Variants in CNTNAP2 observed in about 807,000 individuals in gnomAD.
The protein encoded by CNTNAP2 is contactin-associated protein-like 2.
In CNTNAP2, 98 loss-of-function variants were observed where a neutral mutation model predicts 155.2. The observed-to-expected ratio is 0.63, with a 90% CI of 0.54 to 0.75. CNTNAP2 has a LOEUF of 0.75. Ranked by LOEUF, CNTNAP2 falls within the 30% of genes least tolerant of loss-of-function variation. CNTNAP2 has a pLI of 0.00. For missense variants in CNTNAP2, 1,727 were observed against 1,688.1 expected (o/e 1.02, Z -0.40); for synonymous variants, 651 against 631.2 (o/e 1.03, Z -0.47).
chr7:146,760,299 T>C (rs1489231073), intron 1 of CNTNAP2, among the ~76,000 whole-genome samples: 2 of 151,738 alleles, frequency 1.3e-5, no homozygotes, highest in African/African-American at 4.8e-5. Flanking sequence ...ACTTCTCACA[T>C]CTGGTTGAAA....
chr7:147,307,722 T>C (rs899613), intron 9 of CNTNAP2, among the ~76,000 whole-genome samples: 23,813 of 152,284 alleles, frequency 0.16, 3,027 homozygotes, highest in East Asian at 0.7. Context: ...AATCTTTTTA[T>C]CTTTTTTCTA....
At chr7:148,379,585 G>A (rs755032808) in intron 21 of CNTNAP2, among the ~76,000 whole-genome samples, 12 of 152,192 alleles carry the variant, frequency 7.9e-5, no homozygotes, top group Admixed American at 2.6e-4. Flanking sequence ...GGTAGCACAC[G>A]AGTGTGGTTC....
intron 1 of CNTNAP2, among the ~76,000 whole-genome samples, chr7:146,530,782 A>C (rs970387446): frequency 6.6e-6 from 1 of 152,256 alleles, no homozygotes; most frequent in East Asian, 1.9e-4. Context: ...GTGGGAATGC[A>C]AATTAGTTCA....
chr7:148,016,833 G>A (rs919122420), intron 15 of CNTNAP2, among the ~76,000 whole-genome samples: 45 of 152,030 alleles, frequency 3.0e-4, no homozygotes, highest in African/African-American at 9.4e-4. Context: ...TTTCTAAGAC[G>A]GAAGGTATTT....
chr7:146,985,883 C>T (rs1013248186), intron 3 of CNTNAP2, among the ~76,000 whole-genome samples: 9 of 151,976 alleles, frequency 5.9e-5, no homozygotes, highest in African/African-American at 1.9e-4. Flanking sequence ...CAATTTTTTT[C>T]CAAGACACTT....
intron 13 of CNTNAP2, among the ~76,000 whole-genome samples, chr7:147,745,390 G>A (rs115184435): frequency 2.5e-3 from 386 of 152,310 alleles, no homozygotes; most frequent in African/African-American, 8.6e-3. Context: ...ATGTTAAAAT[G>A]TGGACTTCAT....
rs1562968752 is a variant in CNTNAP2, at chr7:146,839,792, C to A, written c.290C>A (p.Ala97Asp). 1 of 1,614,134 alleles carries A rather than the reference C, an allele frequency of 6.2e-7. No individual in the cohort carries two copies. The highest frequency in any genetic ancestry group is 2.2e-5 in the East Asian group (1 of 44,874). ...TTTGGCAATCGGAAGCAGATCAGTG[C>A]CATTGCAACCCAAGGAAGGTATAGC... is the stretch of plus-strand genomic sequence containing the variant. The part of the protein sequence containing the change: ...VDFGNRKQIS[A>D]IATQGRYSSS... The change falls in exon 3 of 24, where the codon GCC (alanine) becomes GAC (aspartate). Residue 97 changes from alanine (A) to aspartate (D), a missense_variant. Transcript: ENST00000361727.
rs557869149 is a variant in CNTNAP2, at chr7:147,548,475, T to A, written c.1778-13663T>A. Among the ~76,000 whole-genome samples the A allele has an allele frequency of 2.0e-5, 3 of 152,336 alleles. No homozygotes were observed. The South Asian group carries it at 6.2e-4, about 32-fold the overall frequency. ...GTTGTTTGATTTTTTCTTATAAATA[T>A]GTTTAAGTTCCTTGTAAATTCTGGA... On this transcript the variant is annotated intron_variant, in intron 11 of 23. Transcript: ENST00000361727.
At chr7:147,824,947 G>C (rs1264652616) in intron 13 of CNTNAP2, among the ~76,000 whole-genome samples, 1 of 152,152 alleles carries the variant, frequency 6.6e-6, no homozygotes, top group Non-Finnish European at 1.5e-5. Context: ...AACGTGGATT[G>C]AGGAAGTAGT....
intron 18 of CNTNAP2, among the ~76,000 whole-genome samples, chr7:148,204,055 A>G (rs1352870674): frequency 6.6e-6 from 1 of 152,216 alleles, no homozygotes; most frequent in Non-Finnish European, 1.5e-5. Flanking sequence ...GAGTTGCTTG[A>G]AGTAGAATCC....
chr7:148,067,943 G>T (rs1218078395), intron 15 of CNTNAP2, among the ~76,000 whole-genome samples: 1 of 152,050 alleles, frequency 6.6e-6, no homozygotes, highest in African/African-American at 2.4e-5. Context: ...AGTCGTCAGT[G>T]ACTGGCCTCA....
intron 1 of CNTNAP2, among the ~76,000 whole-genome samples, chr7:146,529,538 A>G (rs979783472): frequency 5.9e-5 from 9 of 152,178 alleles, no homozygotes; most frequent in Non-Finnish European, 1.3e-4. Flanking sequence ...GGAGAAAGAT[A>G]AGTAAATGTG....
intron 3 of CNTNAP2, among the ~76,000 whole-genome samples, chr7:147,023,476 T>G (rs1026495742): frequency 6.6e-6 from 1 of 152,302 alleles, no homozygotes; most frequent in East Asian, 1.9e-4. Flanking sequence ...CTTGTAACAC[T>G]AGAGTCACCA....
chr7:147,957,463 A>G (rs903724163), intron 14 of CNTNAP2, among the ~76,000 whole-genome samples: 1 of 152,188 alleles, frequency 6.6e-6, no homozygotes, highest in Admixed American at 6.5e-5. Context: ...GTCAGAAGTC[A>G]GCATAACTAG....
In CNTNAP2 at chr7:147,154,591, G is replaced by A. The variant is rs542567163; in HGVS notation, c.1348+22082G>A. 4.6e-5 allele frequency among the ~76,000 whole-genome samples: 7 copies of A among 152,170 alleles called. No individual in the cohort carries two copies. The East Asian group carries it at 1.4e-3, about 29-fold the overall frequency. On this transcript the variant is annotated intron_variant, in intron 8 of 23. Coordinates refer to ENST00000361727, the MANE Select transcript of CNTNAP2 (RefSeq NM_014141.6). ...TTGTGCACTCTAGTCTCTAAAAAAT[G>A]ACAGTCTGTCCTATTTCTCAGGAAA...
chr7:146,982,411 A>G (rs1798035467), intron 3 of CNTNAP2, among the ~76,000 whole-genome samples: 1 of 152,180 alleles, frequency 6.6e-6, no homozygotes, highest in African/African-American at 2.4e-5. Context: ...ACTTACACGA[A>G]TGAAGCTATA....
chr7:146,483,282 A>AAAATATATATATAT (rs1178407767), intron 1 of CNTNAP2, among the ~76,000 whole-genome samples: 2 of 39,870 alleles, frequency 5.0e-5, no homozygotes, highest in Non-Finnish European at 1.0e-4. Context: ...TCTAAAAAAA[A>AAAATATATATATAT]ATATATATAT....
At chr7:147,987,918 C>T (rs747035779) in intron 15 of CNTNAP2, among the ~76,000 whole-genome samples, 6 of 152,116 alleles carry the variant, frequency 3.9e-5, no homozygotes, top group Non-Finnish European at 8.8e-5. Context: ...TGGCCTCGAA[C>T]TCTTGACCTT....
chr7:146,936,188 T>C (rs185419412), intron 3 of CNTNAP2, among the ~76,000 whole-genome samples: 176 of 152,282 alleles, frequency 1.2e-3, no homozygotes, highest in African/African-American at 3.3e-3. Context: ...GGGGAATTCT[T>C]AAAACAAAAT....
Sources: gnomAD v4.1 joint callset for allele counts (sites outside exome capture counted in the v4.1 genomes callset) on GRCh38, gnomAD v4.1.1 for gene constraint, MANE v1.5 for transcripts, NCBI Gene and HGNC (gene_info 2026-07-23, HGNC 2026-07-21) for gene names.